RGS5: variants seen among roughly 807,000 people sequenced by gnomAD.
RGS5 encodes the protein regulator of G-protein signalling 5.
Under a neutral mutation model 18.9 loss-of-function variants are expected in RGS5, and 20 were observed. That is an observed-to-expected ratio of 1.06 (90% CI 0.74 to 1.54). The LOEUF is 1.54. Among genes scored for constraint, RGS5 ranks in the 40% most tolerant of loss-of-function variants. The pLI, the probability that RGS5 is intolerant of heterozygous loss-of-function variation, is 0.00. For missense variants in RGS5, 201 were observed against 211.8 expected (o/e 0.95, Z 0.32); for synonymous variants, 57 against 76.2 (o/e 0.75, Z 1.31).
chr1:163,142,714 G>A lies in RGS5; in HGVS notation c.*4628C>T, dbSNP rs1265142071. 6.6e-6 allele frequency: 1 copy of A among 152,094 alleles called. No homozygotes were observed. Among genetic ancestry groups the A allele is most frequent in the Admixed American group, 6.6e-5 (1 of 15,252 alleles). 9.4% of individuals were successfully genotyped at this position (152,094 alleles called of 1,614,324 possible). ...CATTTTTCTAGAAAGGAAGTTAAATGCTTTTAATGTATTAATTATTACATT... is the reference window on the plus strand; with the variant it reads ...CATTTTTCTAGAAAGGAAGTTAAATACTTTTAATGTATTAATTATTACATT... On this transcript the variant is annotated 3_prime_UTR_variant, in exon 5 of 5. Coordinates refer to ENST00000313961, the MANE Select transcript of RGS5 (RefSeq NM_003617.4).
intron 1 of RGS5, among the ~76,000 whole-genome samples, chr1:163,200,545 C>G (rs1659737387): frequency 6.6e-6 from 1 of 152,060 alleles, no homozygotes. Flanking sequence ...GTGTCATTTT[C>G]CCCTTAGAAT....
intron 1 of RGS5, among the ~76,000 whole-genome samples, chr1:163,180,946 C>T (rs7519464): frequency 6.6e-6 from 1 of 151,868 alleles, no homozygotes; most frequent in Non-Finnish European, 1.5e-5. Flanking sequence ...CTCCCGCCTC[C>T]GCCTCCCAAA....
chr1:163,294,810 GAAAAA>G (rs778733936), intron 2 of RGS5, among the ~76,000 whole-genome samples: 1 of 151,950 alleles, frequency 6.6e-6, no homozygotes, highest in Non-Finnish European at 1.5e-5. Flanking sequence ...CACACTTTCA[GAAAAA>G]AACGGGTCAC....
At chr1:163,219,534 T>C (rs1660291304), upstream of RGS5, among the ~76,000 whole-genome samples, 1 of 152,182 alleles carries the variant, frequency 6.6e-6, no homozygotes. Context: ...TTTTATAAAA[T>C]GGTAATATAT....
At chr1:163,247,362 C>T (rs1436105597) in intron 2 of RGS5, among the ~76,000 whole-genome samples, 2 of 152,104 alleles carry the variant, frequency 1.3e-5, no homozygotes, top group African/African-American at 4.8e-5. Context: ...AGATATGGTG[C>T]CATTCTTAGG....
At chr1:163,293,790 C>T (rs1318003639) in intron 2 of RGS5, among the ~76,000 whole-genome samples, 1 of 152,222 alleles carries the variant, frequency 6.6e-6, no homozygotes, top group Non-Finnish European at 1.5e-5. Context: ...AATGGAGGTA[C>T]AGACATTGGG....
chr1:163,158,391 T>G (rs1332024819), intron 3 of RGS5, among the ~76,000 whole-genome samples: 1 of 151,210 alleles, frequency 6.6e-6, no homozygotes, highest in Non-Finnish European at 1.5e-5. Context: ...ATGGTAAGAG[T>G]AGAGAATTAG....
chr1:163,144,301 C>T lies in RGS5; in HGVS notation c.*3041G>A, dbSNP rs1216901449. On this transcript the variant is annotated 3_prime_UTR_variant, in exon 5 of 5. Transcript: ENST00000313961. The stretch of plus-strand genomic sequence containing the variant: ...ACTGCTTTAACAAATAAACATGGAA[C>T]ATACGTCCTTAATTAACTGTGGAGT... 4.6e-5 allele frequency: 7 copies of T among 152,104 alleles called. No homozygotes were observed. Among genetic ancestry groups the T allele is most frequent in the Non-Finnish European group, 1.0e-4 (7 of 68,016 alleles). 9.4% of individuals were successfully genotyped at this position (152,104 alleles called of 1,614,324 possible).
chr1:163,247,801 G>A (rs1346291565), intron 2 of RGS5, among the ~76,000 whole-genome samples: 1 of 151,944 alleles, frequency 6.6e-6, no homozygotes, highest in Non-Finnish European at 1.5e-5. Context: ...TGCTCCTAAG[G>A]GATGAGAAAG....
upstream of RGS5, among the ~76,000 whole-genome samples, chr1:163,222,021 G>GT (rs1291208655): frequency 3.3e-5 from 5 of 152,090 alleles, no homozygotes; most frequent in Non-Finnish European, 7.3e-5. Context: ...GATATCCAAT[G>GT]TCAGTATCTG....
chr1:163,247,583 T>TAC (rs1553223596), intron 2 of RGS5, among the ~76,000 whole-genome samples: 1 of 67,174 alleles, frequency 1.5e-5, no homozygotes, highest in African/African-American at 1.0e-4. Context: ...GAAGTTGATT[T>TAC]ATATATATAT....
chr1:163,206,017 T>A (rs1418934933), upstream of RGS5, among the ~76,000 whole-genome samples: 1 of 152,222 alleles, frequency 6.6e-6, no homozygotes, highest in Non-Finnish European at 1.5e-5. Context: ...AGGCAAGGTC[T>A]TCACCTTCAT....
At chr1:163,266,070 G>GC (rs1648565394) in intron 2 of RGS5, among the ~76,000 whole-genome samples, 1 of 152,090 alleles carries the variant, frequency 6.6e-6, no homozygotes, top group South Asian at 2.1e-4. Context: ...ATCCAGGCCA[G>GC]CAACAGTTCA....
chr1:163,170,694 T>C (rs1658261046), intron 1 of RGS5, among the ~76,000 whole-genome samples: 1 of 152,122 alleles, frequency 6.6e-6, no homozygotes, highest in African/African-American at 2.4e-5. Context: ...CAGTCATCTC[T>C]ACAGTGTCAT....
intron 1 of RGS5, among the ~76,000 whole-genome samples, chr1:163,183,768 C>T (rs1658954757): frequency 1.3e-5 from 2 of 152,036 alleles, no homozygotes; most frequent in South Asian, 2.1e-4. Context: ...ATAGCTTCTC[C>T]CTGAGGGAGA....
intron 2 of RGS5, among the ~76,000 whole-genome samples, chr1:163,277,021 CTG>C (rs1648874963): frequency 6.6e-6 from 1 of 152,268 alleles, no homozygotes; most frequent in East Asian, 1.9e-4. Context: ...GACCTTTAGT[CTG>C]ATAAGAAACA....
intron 2 of RGS5, among the ~76,000 whole-genome samples, chr1:163,237,046 G>A (rs1647640705): frequency 6.6e-6 from 1 of 151,704 alleles, no homozygotes; most frequent in Admixed American, 6.6e-5. Flanking sequence ...AAACCACAAT[G>A]AGATGGTTCT....
intron 1 of RGS5, among the ~76,000 whole-genome samples, chr1:163,209,968 AAT>A (rs1240836003): frequency 1.3e-5 from 2 of 151,948 alleles, no homozygotes; most frequent in African/African-American, 2.4e-5. Context: ...TTACAACTGT[AAT>A]TTTCTTTTTC....
intron 1 of RGS5, among the ~76,000 whole-genome samples, chr1:163,174,092 C>T (rs182771302): frequency 1.4e-4 from 21 of 152,084 alleles, no homozygotes; most frequent in Admixed American, 1.2e-3. Context: ...AATAAATAAA[C>T]AAACAAACAA....
Sources: allele counts gnomAD v4.1 joint callset (sites outside exome capture counted in the v4.1 genomes callset), GRCh38; gene constraint gnomAD v4.1.1; transcripts MANE v1.5; gene names NCBI Gene and HGNC (gene_info 2026-07-23, HGNC 2026-07-21).